The following GPR157 variants were observed in gnomAD, a reference collection of about 807,000 sequenced individuals.
GPR157 encodes G-protein coupled receptor 157.
GPR157 carries 16 observed loss-of-function variants against 23.5 expected under a neutral mutation model. The ratio of observed to expected loss-of-function variants is 0.68; its 90% CI spans 0.46 to 1.04. The LOEUF (loss-of-function observed/expected upper bound fraction) is 1.04. GPR157 is among the 50% of genes least tolerant of loss of function. The probability of loss-of-function intolerance (pLI) is 0.00; values close to 1 mark genes in which losing one functional copy is unlikely to be tolerated. For synonymous variants in GPR157, 200 were observed against 221.5 expected, an observed-to-expected ratio of 0.90 and a Z score of 0.86; for missense variants, 440 against 460.7, an observed-to-expected ratio of 0.96 and a Z score of 0.41.
rs755158507 is a variant in GPR157, at chr1:9,105,542, C to T, written c.736G>A (p.Val246Met). The change falls in exon 3 of 4, where the codon GTG becomes ATG. Residue 246 changes from valine to methionine, a missense_variant. Val to Met is a conservative substitution (Grantham distance 21). Transcript: ENST00000377411. The surrounding 1 kb of genome is among the most constrained non-coding windows in gnomAD (Gnocchi z 4.8). ...GLRVWSTVRF[V>M]LTLCGSPAVQ... ...GCCGGGGAGCCACAGAGGGTCAGCA[C>T]GAACCGCACGGTGCTCCAGACCCTG... is the stretch of plus-strand genomic sequence containing the variant. 1.1e-5 allele frequency: 17 copies of T among 1,596,296 alleles called. No homozygotes were observed. The highest frequency in any genetic ancestry group is 5.4e-5 in the Admixed American group (3 of 55,942).
chr1:9,113,549 G>A (rs905008999), intron 1 of GPR157, among the ~76,000 whole-genome samples: 6 of 152,134 alleles, frequency 3.9e-5, no homozygotes, highest in Admixed American at 1.3e-4. Context: ...GCCTCTGTAG[G>A]GAAGGGCAGG....
chr1:9,106,440 C>T (rs1638331035), intron 2 of GPR157, among the ~76,000 whole-genome samples: 1 of 152,200 alleles, frequency 6.6e-6, no homozygotes, highest in Admixed American at 6.5e-5. Flanking sequence ...TCCACATGCT[C>T]CTTACGGTCG....
At chr1:9,123,776 T>TATA (rs1557701449) in intron 1 of GPR157, among the ~76,000 whole-genome samples, 1 of 130,344 alleles carries the variant, frequency 7.7e-6, no homozygotes, top group Non-Finnish European at 1.6e-5. Flanking sequence ...ATATTTAATA[T>TATA]TAAATATATA....
At chr1:9,123,517 T>TTAATTTAAATATATATTTAAATATATC (rs1638878147) in intron 1 of GPR157, among the ~76,000 whole-genome samples, 1 of 38,708 alleles carries the variant, frequency 2.6e-5, no homozygotes, top group East Asian at 5.1e-4. Context: ...AAATATATAT[T>TTAATTTAAATATATATTTAAATATATC]TAATTTAAAT....
rs769798620 is a variant in GPR157 at position 9,104,447 on chromosome 1, C to G, written c.980G>C (p.Gly327Ala). ...GGTGCTTGGAAGTTCCCCTGGGGTCCCTTGGGATTCCTGAGATTCTCCTGG... is the reference window on the plus strand; with the variant it reads ...GGTGCTTGGAAGTTCCCCTGGGGTCGCTTGGGATTCCTGAGATTCTCCTGG... ...SKPGESQESQ[G>A]TPGELPST The change falls in exon 4 of 4, where the codon GGG becomes GCG. Residue 327 changes from glycine to alanine, a missense_variant. By Grantham distance (60) the Gly-to-Ala change is moderately conservative. Coordinates refer to ENST00000377411, the MANE Select transcript of GPR157 (RefSeq NM_024980.5). The G allele has an allele frequency of 7.4e-6, 12 of 1,613,756 alleles. No individual in the cohort carries two copies. Among genetic ancestry groups the G allele is most frequent in the Non-Finnish European group, 1.0e-5 (12 of 1,179,984 alleles).
intron 1 of GPR157, among the ~76,000 whole-genome samples, chr1:9,122,483 G>A (rs1638820354): frequency 6.6e-6 from 1 of 152,170 alleles, no homozygotes; most frequent in African/African-American, 2.4e-5. Flanking sequence ...CTACAAAAGG[G>A]AAAAGAGTTA....
Position 9,100,569 on chromosome 1 carries a change from C to A in GPR157, c.*3850G>T, listed in dbSNP as rs149267067. On this transcript the variant is annotated 3_prime_UTR_variant, in exon 4 of 4. Transcript: ENST00000377411. ...CTCAAAAGCACAAAGAGGCAGAAAGCGGCTGGTAAACCTGGTTAAAAGACC... is the reference window on the plus strand; with the variant it reads ...CTCAAAAGCACAAAGAGGCAGAAAGAGGCTGGTAAACCTGGTTAAAAGACC... The A allele has an allele frequency of 4.8e-3, 732 of 152,322 alleles. 4 individuals carry two copies. The highest frequency in any genetic ancestry group is 7.4e-3 in the Non-Finnish European group (504 of 68,044). 9.4% of individuals were successfully genotyped at this position (152,322 alleles called of 1,614,324 possible).
intron 1 of GPR157, among the ~76,000 whole-genome samples, chr1:9,125,191 A>G (rs1381401016): frequency 6.6e-6 from 1 of 151,624 alleles, no homozygotes. Flanking sequence ...CACCCCACCC[A>G]TCCATTCTGT....
In GPR157 at chr1:9,112,951, G is replaced by A. The variant is rs143951685; in HGVS notation, c.384-1462C>T. Among the ~76,000 whole-genome samples, 3 of 152,286 alleles carry A rather than the reference G, an allele frequency of 2.0e-5. No individual in the cohort carries two copies. The East Asian group carries it at 5.8e-4, about 29-fold the overall frequency. ...TAGTGGGCTTGGATTTTAGTGCAGC[G>A]GGCTGGATCCAAGTCCCACTTCTGC... On this transcript the variant is annotated intron_variant, in intron 1 of 3. Coordinates refer to ENST00000377411, the MANE Select transcript of GPR157 (RefSeq NM_024980.5).
intron 2 of GPR157, 90 bp downstream of exon 2, chr1:9,111,186 G>A: frequency 8.1e-7 from 1 of 1,228,252 alleles, no homozygotes; most frequent in Non-Finnish European, 1.2e-6. Flanking sequence ...GACGCAACCT[G>A]TCCCCTCGGG....
In GPR157 at chr1:9,104,259, A is replaced by C; in HGVS notation, c.*160T>G. On this transcript the variant is annotated 3_prime_UTR_variant, in exon 4 of 4. Coordinates refer to ENST00000377411, the MANE Select transcript of GPR157 (RefSeq NM_024980.5). ...TGCCTGAGGATCTAGGAGGTAGAAG[A>C]AGCTGAGTTGGCAGCTGCTCTCCCA... The C allele has an allele frequency of 1.6e-6, 1 of 609,364 alleles. No homozygotes were observed. Among genetic ancestry groups the C allele is most frequent in the South Asian group, 2.1e-5 (1 of 48,590 alleles). The allele number at this position is 609,364 out of a possible 1,614,324, so 37.7% of individuals were successfully genotyped here. A position where few individuals can be genotyped will look rare whatever the true frequency, so the allele number is the denominator to read the frequency against.
chr1:9,124,889 C>T (rs1038270469), intron 1 of GPR157, among the ~76,000 whole-genome samples: 7 of 152,176 alleles, frequency 4.6e-5, no homozygotes, highest in African/African-American at 1.7e-4. Flanking sequence ...ACTTCATCAC[C>T]ATGTGACCGT....
Position 9,105,695 on chromosome 1 carries a change from C to T in GPR157, c.598-15G>A, listed in dbSNP as rs1400918201. On this transcript the variant is annotated splice_polypyrimidine_tract_variant and intron_variant, in intron 2 of 3. Coordinates refer to ENST00000377411, the MANE Select transcript of GPR157 (RefSeq NM_024980.5). This position sits in a 1 kb window ranked among gnomAD's most constrained non-coding sequence, Gnocchi z 4.8. ...AGTGCCGTGTGCTGTGTGGGGACAGCGAGGGCAGACTTGAGTGGATAGGCA... is the reference window on the plus strand; with the variant it reads ...AGTGCCGTGTGCTGTGTGGGGACAGTGAGGGCAGACTTGAGTGGATAGGCA... The T allele has an allele frequency of 7.6e-6, 12 of 1,584,856 alleles. No homozygotes were observed. The highest frequency in any genetic ancestry group is 6.7e-5 in the African/African-American group (5 of 74,484).
At chr1:9,108,244 C>T (rs186635478) in intron 2 of GPR157, among the ~76,000 whole-genome samples, 1 of 152,314 alleles carries the variant, frequency 6.6e-6, no homozygotes, top group Non-Finnish European at 1.5e-5. Context: ...TGCAACTAAC[C>T]TGCTCAGAGC....
Position 9,128,262 on chromosome 1 carries a change from A to G in GPR157, c.383+383T>C. Reference sequence around the variant, plus strand: ...AGTTGCCGGCTCTCCAGCCCGGGACAGTTACCTAACTCGTCTCCCAGCCTG... The same window carrying G: ...AGTTGCCGGCTCTCCAGCCCGGGACGGTTACCTAACTCGTCTCCCAGCCTG... On this transcript the variant is annotated intron_variant, in intron 1 of 3. Transcript: ENST00000377411. This position sits in a 1 kb window ranked among gnomAD's most constrained non-coding sequence, Gnocchi z 6.3. 1 of 502,522 alleles carries G rather than the reference A, an allele frequency of 2.0e-6. No individual in the cohort carries two copies. The highest frequency in any genetic ancestry group is 3.9e-6 in the Non-Finnish European group (1 of 257,794). 31.1% of individuals were successfully genotyped at this position (502,522 alleles called of 1,614,324 possible).
rs1430946117 is a variant in GPR157, at chr1:9,103,638, A to G, written c.*781T>C. On this transcript the variant is annotated 3_prime_UTR_variant, in exon 4 of 4. Coordinates refer to ENST00000377411, the MANE Select transcript of GPR157 (RefSeq NM_024980.5). ...GTGGGGTCTTCGGGGGTTCCCTGAG[A>G]CGCCTCTTCCTGCCCTTGTTCCAGC... The G allele has an allele frequency of 6.6e-6, 1 of 152,246 alleles. No homozygotes were observed. The highest frequency in any genetic ancestry group is 1.9e-4 in the East Asian group (1 of 5,190). The allele number at this position is 152,246 out of a possible 1,614,324, so 9.4% of individuals were successfully genotyped here. A position where few individuals can be genotyped will look rare whatever the true frequency, so the allele number is the denominator to read the frequency against.
At chr1:9,110,747 T>A (rs971376821) in intron 2 of GPR157, among the ~76,000 whole-genome samples, 16 of 152,128 alleles carry the variant, frequency 1.1e-4, no homozygotes, top group African/African-American at 3.6e-4. Context: ...AGCCTACTCA[T>A]TTCTGAATTC....
At chr1:9,104,724 G>C in intron 3 of GPR157, 90 bp from the exon 4 acceptor site, 2 of 971,054 alleles carry the variant, frequency 2.1e-6, no homozygotes, top group African/African-American at 3.3e-5. Context: ...GGCTAGGCTG[G>C]GTGCGGTGGC....
In GPR157 at chr1:9,105,455, GGAC is replaced by G. The variant is rs1433337992; in HGVS notation, c.792+28_792+30del. 1.3e-6 allele frequency: 2 copies of G among 1,510,908 alleles called. No homozygotes were observed. The highest frequency in any genetic ancestry group is 1.4e-5 in the African/African-American group (1 of 72,550). 93.6% of individuals were successfully genotyped at this position (1,510,908 alleles called of 1,614,324 possible). Reference sequence around the variant, plus strand: ...CAGGCTGTGCCTCCTCTGGGGGCAGGGACGACAAGGGCCAGGGAGGGCAGACCT... The same window carrying G: ...CAGGCTGTGCCTCCTCTGGGGGCAGGGACAAGGGCCAGGGAGGGCAGACCT... On this transcript the variant is annotated intron_variant, in intron 3 of 3. Transcript: ENST00000377411. This position sits in a 1 kb window ranked among gnomAD's most constrained non-coding sequence, Gnocchi z 4.8.
Sources: allele counts gnomAD v4.1 joint callset (sites outside exome capture counted in the v4.1 genomes callset), GRCh38; gene constraint gnomAD v4.1.1; non-coding constraint Gnocchi (gnomAD v3.1); transcripts MANE v1.5; gene names NCBI Gene and HGNC (gene_info 2026-07-23, HGNC 2026-07-21).